The following DST variants were observed in gnomAD, a reference collection of about 807,000 sequenced individuals.
DST encodes dystonin, also known as bullous pemphigoid antigen.
A neutral mutation model predicts 875.2 loss-of-function variants in DST; 253 were observed. That is an observed-to-expected ratio of 0.29 (90% CI 0.26 to 0.32). DST has a LOEUF of 0.32. Ranked by LOEUF, DST falls within the 10% of genes least tolerant of loss-of-function variation. The probability of loss-of-function intolerance (pLI) is 1.00; values close to 1 mark genes in which losing one functional copy is unlikely to be tolerated. For synonymous variants in DST, 3,124 were observed against 3,197.1 expected (o/e 0.98, Z 0.77); for missense variants, 8,287 against 9,111.6 (o/e 0.91, Z 3.68).
chr6:56,589,760 G>T (rs1475176701), intron 49 of DST, among the ~76,000 whole-genome samples: 2 of 152,122 alleles, frequency 1.3e-5, no homozygotes. Context: ...TGTTATTATG[G>T]CCTAGTAGTA....
intron 2 of DST, among the ~76,000 whole-genome samples, chr6:56,917,796 C>G (rs532934052): frequency 5.0e-4 from 76 of 152,282 alleles, no homozygotes; most frequent in African/African-American, 1.6e-3. Context: ...ATTGCTCCTA[C>G]TTATGTTTGG....
intron 55 of DST, among the ~76,000 whole-genome samples, chr6:56,563,454 G>A (rs75821673): frequency 1.3e-5 from 2 of 151,766 alleles, no homozygotes; most frequent in African/African-American, 2.4e-5. Flanking sequence ...TTGTAAATTT[G>A]TATAAGTTCC....
intron 3 of DST, among the ~76,000 whole-genome samples, chr6:56,897,395 G>A (rs1014508606): frequency 6.6e-6 from 1 of 151,590 alleles, no homozygotes; most frequent in Non-Finnish European, 1.5e-5. Flanking sequence ...GCAATGGCAC[G>A]ATCTTGGCTC....
chr6:56,765,059 TTGCC>T (rs2099629903), intron 4 of DST, among the ~76,000 whole-genome samples: 1 of 152,034 alleles, frequency 6.6e-6, no homozygotes, highest in South Asian at 2.1e-4. Context: ...CTGTGTATGA[TTGCC>T]TGCTACTTGC....
rs545933180 is a variant in DST, at chr6:56,555,946, T to G, written c.14641-106A>C. 257 of 1,209,598 alleles carry G rather than the reference T, an allele frequency of 2.1e-4. 1 individual carries two copies. The South Asian group carries it at 5.4e-3, about 25-fold the overall frequency. 74.9% of individuals were successfully genotyped at this position (1,209,598 alleles called of 1,614,324 possible). A position where few individuals can be genotyped will look rare whatever the true frequency, so the allele number is the denominator to read the frequency against. ...AAATGGTAATTATTTCTCCAGTTTT[T>G]GTTTTTTAGTTATCACTTTCCTACT... On this transcript the variant is annotated intron_variant, in intron 59 of 103. Transcript: ENST00000680361.
At chr6:56,697,777 G>A (rs1055513710) in intron 9 of DST, among the ~76,000 whole-genome samples, 11 of 152,214 alleles carry the variant, frequency 7.2e-5, no homozygotes, top group Admixed American at 2.6e-4. Flanking sequence ...TGACTTTCCC[G>A]TCTGGGGTTC....
At chr6:56,552,100 T>C (rs1311284295) in intron 61 of DST, 84 bp downstream of exon 61, 2 of 1,426,436 alleles carry the variant, frequency 1.4e-6, no homozygotes, top group Non-Finnish European at 9.5e-7. Context: ...TAAAAAGTTC[T>C]ACAAAATAGG....
chr6:56,867,227 T>G (rs868730633), intron 3 of DST, among the ~76,000 whole-genome samples: 1 of 152,232 alleles, frequency 6.6e-6, no homozygotes, highest in Non-Finnish European at 1.5e-5. Flanking sequence ...CTTTCTAAGC[T>G]TTGGCTTTCT....
chr6:56,497,277 T>C, intron 82 of DST, 102 bp downstream of exon 82: 18 of 1,354,780 alleles, frequency 1.3e-5, no homozygotes, highest in Non-Finnish European at 1.6e-5. Flanking sequence ...CCATAAACTA[T>C]ATCTTTAAAG....
At chr6:56,571,382 T>C (rs1316729922) in intron 53 of DST, among the ~76,000 whole-genome samples, 1 of 152,194 alleles carries the variant, frequency 6.6e-6, no homozygotes, top group Non-Finnish European at 1.5e-5. Context: ...GGATGGAACA[T>C]ATAGCTCTGT....
chr6:56,876,953 C>T (rs1779878627), intron 3 of DST, among the ~76,000 whole-genome samples: 1 of 152,200 alleles, frequency 6.6e-6, no homozygotes. Flanking sequence ...AGGCAAACTC[C>T]TTTAAAGGGT....
chr6:56,633,202 T>TTTG (rs2098796251), intron 27 of DST, among the ~76,000 whole-genome samples, 165 bp from the exon 28 acceptor site: 1 of 151,636 alleles, frequency 6.6e-6, no homozygotes, highest in African/African-American at 2.4e-5. Context: ...GTGGTTTTTT[T>TTTG]TTGTTTTTTG....
chr6:56,757,776 A>C (rs1243328275), intron 4 of DST, among the ~76,000 whole-genome samples: 1 of 152,206 alleles, frequency 6.6e-6, no homozygotes, highest in East Asian at 1.9e-4. Context: ...ACAAAGCAGC[A>C]GCCTAAGTCT....
intron 49 of DST, among the ~76,000 whole-genome samples, chr6:56,584,384 GCT>G: frequency 6.6e-6 from 1 of 152,080 alleles, no homozygotes; most frequent in Non-Finnish European, 1.5e-5. Context: ...TCATGATTTG[GCT>G]CTCTGTTTGT....
In DST at chr6:56,527,648, T is replaced by G. The variant is rs751074426; in HGVS notation, c.17767A>C (p.Lys5923Gln). The change falls in exon 68 of 104, where the codon AAG becomes CAG. Residue 5923 changes from lysine (K) to glutamine (Q), a missense_variant. Lys to Gln is a moderately conservative substitution (Grantham distance 53). Transcript: ENST00000680361. ...DITKLSTDVA[K>Q]TLEQALQLAR... ...AGCTGCAGCGCCTGTTCCAGAGTCT[T>G]GGCCACATCAGTGCTCAGTTTAGTA... The G allele has an allele frequency of 6.8e-6, 11 of 1,613,820 alleles. No homozygotes were observed. The highest frequency in any genetic ancestry group is 2.2e-5 in the East Asian group (1 of 44,884).
rs148979864 is a variant in DST, at chr6:56,864,060, C to T, written c.418-12456G>A. The T allele has an allele frequency of 3.9e-5, 6 of 152,326 alleles. No homozygotes were observed. In the East Asian group the frequency reaches 1.2e-3, roughly 29 times the overall value. The allele number at this position is 152,326 out of a possible 1,614,324, so 9.4% of individuals were successfully genotyped here. On this transcript the variant is annotated intron_variant, in intron 3 of 103. Transcript: ENST00000680361. The stretch of plus-strand genomic sequence containing the variant: ...GATTAACATTTTATTCAGTGGACTT[C>T]AAGTAAAGCAGATTATCCTCCATAT...
intron 89 of DST, 79 bp from the exon 90 acceptor site, chr6:56,482,257 G>T: frequency 6.9e-7 from 1 of 1,448,702 alleles, no homozygotes. Context: ...ACTGTATAGT[G>T]GATTCATCCC....
chr6:56,832,626 A>C (rs1489879389), intron 4 of DST, among the ~76,000 whole-genome samples: 1 of 152,346 alleles, frequency 6.6e-6, no homozygotes, highest in East Asian at 1.9e-4. Context: ...CAAAAAAAAA[A>C]AAATGCCTCT....
At chr6:56,841,423 A>G (rs2099799851) in intron 4 of DST, among the ~76,000 whole-genome samples, 1 of 152,234 alleles carries the variant, frequency 6.6e-6, no homozygotes, top group African/African-American at 2.4e-5. Context: ...TATGTTTGAA[A>G]ATGTATCTGT....
Sources: gnomAD v4.1 joint callset for allele counts (sites outside exome capture counted in the v4.1 genomes callset) on GRCh38, gnomAD v4.1.1 for gene constraint, MANE v1.5 for transcripts, NCBI Gene and HGNC (gene_info 2026-07-23, HGNC 2026-07-21) for gene names.